Variants in TCF4 observed in about 807,000 individuals in gnomAD.
TCF4 encodes transcription factor 4, also known as SL3-3 enhancer factor 2.
A neutral mutation model predicts 82.1 loss-of-function variants in TCF4; 3 were observed. That is an observed-to-expected ratio of 0.04 (90% confidence interval 0.02 to 0.09). TCF4 has a LOEUF of 0.09. Among genes scored for constraint, TCF4 ranks in the 10% least tolerant of loss-of-function variants. The pLI is 1.00. For missense variants in TCF4, 518 were observed against 852.7 expected (o/e 0.61, Z 4.89); for synonymous variants, 276 against 309.6 (o/e 0.89, Z 1.14).
At chr18:55,253,118 A>G (rs2055741617) in intron 15 of TCF4, among the ~76,000 whole-genome samples, 1 of 152,192 alleles carries the variant, frequency 6.6e-6, no homozygotes, top group Non-Finnish European at 1.5e-5. Flanking sequence ...CGTTGCTTCT[A>G]TTTATAAACC....
At chr18:55,541,325 A>T in intron 3 of TCF4, among the ~76,000 whole-genome samples, 1 of 152,028 alleles carries the variant, frequency 6.6e-6, no homozygotes, top group East Asian at 1.9e-4. Context: ...CAATCACTAT[A>T]AATTAGGAGA....
At chr18:55,549,821 G>A (rs1367276107) in intron 3 of TCF4, among the ~76,000 whole-genome samples, 3 of 152,078 alleles carry the variant, frequency 2.0e-5, no homozygotes, top group East Asian at 3.9e-4. Flanking sequence ...AGTCTTATGG[G>A]ACCAAAGTGG....
intron 8 of TCF4, among the ~76,000 whole-genome samples, chr18:55,338,436 G>A (rs751894100): frequency 3.5e-4 from 54 of 152,236 alleles, no homozygotes; most frequent in Admixed American, 1.3e-3. Flanking sequence ...CCGGGGAGAG[G>A]ATTCAGGCCC....
At chr18:55,488,156 T>C (rs2096537138) in intron 3 of TCF4, among the ~76,000 whole-genome samples, 1 of 152,182 alleles carries the variant, frequency 6.6e-6, no homozygotes. Context: ...CTATATTCAG[T>C]TGTGGTCATG....
At chr18:55,263,641 A>G (rs1251052643) in intron 11 of TCF4, among the ~76,000 whole-genome samples, 1 of 152,020 alleles carries the variant, frequency 6.6e-6, no homozygotes, top group East Asian at 1.9e-4. Context: ...CCTAAAAACC[A>G]TTCTAAAGAG....
At chr18:55,318,129 G>A (rs1376633246) in intron 8 of TCF4, among the ~76,000 whole-genome samples, 1 of 152,138 alleles carries the variant, frequency 6.6e-6, no homozygotes, top group East Asian at 1.9e-4. Context: ...AGGACATTTC[G>A]CCACTTTTGT....
chr18:55,228,251 C>T lies in TCF4; in HGVS notation c.1990G>A (p.Ala664Thr), dbSNP rs755332116. Residue 664 changes from alanine to threonine, a missense_variant, in exon 19 of 20, where the codon GCA (alanine) becomes ACA (threonine). Physicochemically the swap from Ala to Thr is moderately conservative, Grantham distance 58. Around this residue, in one of 7 missense-constraint regions of TCF4, gnomAD observed 40 missense variants for 41.5 expected, o/e 0.96. Transcript: ENST00000354452. ...LAGPHPGMGD[A>T]SNHMGQM ...TACATCTGTCCCATGTGATTCGATG[C>T]GTCTCCCATTCCAGGGTGTGGGCCG... is the stretch of plus-strand genomic sequence containing the variant. 46 of 1,614,028 alleles carry T rather than the reference C, an allele frequency of 2.9e-5. No homozygotes were observed. The highest frequency in any genetic ancestry group is 2.9e-5 in the Non-Finnish European group (34 of 1,180,028).
At chr18:55,556,118 T>C (rs887755139) in intron 3 of TCF4, among the ~76,000 whole-genome samples, 2 of 152,226 alleles carry the variant, frequency 1.3e-5, no homozygotes, top group African/African-American at 4.8e-5. Flanking sequence ...GTATCATTAA[T>C]AGTTAAGTGA....
chr18:55,312,451 G>A (rs549804383), intron 8 of TCF4, among the ~76,000 whole-genome samples: 12 of 152,148 alleles, frequency 7.9e-5, no homozygotes, highest in Non-Finnish European at 1.8e-4. Context: ...GATAATGGAG[G>A]AAAAGCACCA....
intron 1 of TCF4, 99 bp downstream of exon 1, chr18:55,587,939 G>C: frequency 1.2e-6 from 1 of 869,168 alleles, no homozygotes; most frequent in Non-Finnish European, 1.4e-6. Flanking sequence ...GGGAGCCCGC[G>C]GCGCGGGAGG....
At chr18:55,347,397 C>A (rs901929127) in intron 8 of TCF4, among the ~76,000 whole-genome samples, 1 of 152,090 alleles carries the variant, frequency 6.6e-6, no homozygotes, top group Non-Finnish European at 1.5e-5. Context: ...GGACAGGCTT[C>A]CCCCCGACAC....
intron 6 of TCF4, among the ~76,000 whole-genome samples, chr18:55,371,716 C>T (rs750802964): frequency 6.6e-6 from 1 of 152,076 alleles, no homozygotes; most frequent in African/African-American, 2.4e-5. Flanking sequence ...GACATAGAGA[C>T]GCCTCTCCCC....
At chr18:55,588,518 A>C, upstream of TCF4, 1 of 1,534,272 alleles carries the variant, frequency 6.5e-7, no homozygotes, top group Non-Finnish European at 8.7e-7. Flanking sequence ...TGAACAGTTC[A>C]GTTTTTGCCC....
chr18:55,324,089 CT>C (rs2076160816), intron 8 of TCF4, among the ~76,000 whole-genome samples: 1 of 152,042 alleles, frequency 6.6e-6, no homozygotes, highest in South Asian at 2.1e-4. Context: ...TATTTTTAAT[CT>C]GATGAGGTGA....
At chr18:55,299,175 C>A (rs922577621) in intron 8 of TCF4, among the ~76,000 whole-genome samples, 1 of 152,126 alleles carries the variant, frequency 6.6e-6, no homozygotes, top group Non-Finnish European at 1.5e-5. Context: ...CTTTGGGAGG[C>A]CGAGGTGGGC....
At chr18:55,588,414 A>T, upstream of TCF4, 1 of 1,534,376 alleles carries the variant, frequency 6.5e-7, no homozygotes, top group Admixed American at 2.0e-5. Context: ...AAAAAAAAAA[A>T]ATCTCAACAC....
chr18:55,594,566 TG>T (rs2097688951), intron 2 of TCF4, among the ~76,000 whole-genome samples: 1 of 152,202 alleles, frequency 6.6e-6, no homozygotes, highest in South Asian at 2.1e-4. Flanking sequence ...CAGTTTTTCT[TG>T]GGGTTTCATT....
intron 8 of TCF4, among the ~76,000 whole-genome samples, chr18:55,332,875 C>G (rs920928031): frequency 7.9e-5 from 12 of 152,188 alleles, no homozygotes; most frequent in African/African-American, 2.9e-4. Context: ...GTGATGTATA[C>G]ACTTGATGAA....
At chr18:55,399,853 ATCTCTCTCTCTC>A (rs35948563) in intron 6 of TCF4, among the ~76,000 whole-genome samples, 1 of 83,768 alleles carries the variant, frequency 1.2e-5, no homozygotes, top group Admixed American at 1.3e-4. Flanking sequence ...CTCTCTCCCC[ATCTCTCTCTCTC>A]TCTCTCTCTC....
Sources: allele counts gnomAD v4.1 joint callset (sites outside exome capture counted in the v4.1 genomes callset), GRCh38; gene constraint gnomAD v4.1.1; regional missense constraint gnomAD v4.1.1; transcripts MANE v1.5; gene names NCBI Gene and HGNC (gene_info 2026-07-23, HGNC 2026-07-21).